The following EYS variants were observed in gnomAD, a reference collection of about 807,000 sequenced individuals.
The protein encoded by EYS is EGF-like photoreceptor maintenance factor.
In EYS, 250 loss-of-function variants were observed where a neutral mutation model predicts 282.1. The ratio of observed to expected loss-of-function variants is 0.89; its 90% CI spans 0.80 to 0.98. EYS has a LOEUF of 0.98. EYS is among the 50% of genes least tolerant of loss of function. The pLI is 0.00. For missense variants in EYS, 4,016 were observed against 3,709.0 expected (o/e 1.08, Z -2.15); for synonymous variants, 1,355 against 1,282.9 (o/e 1.06, Z -1.20).
intron 11 of EYS, chr6:65,329,419 T>G: frequency 1.1e-6 from 1 of 926,216 alleles, no homozygotes; most frequent in Non-Finnish European, 1.3e-6. Flanking sequence ...CCAAGATTAT[T>G]TGGTTTTCTA....
chr6:64,381,516 ATGTGT>A (rs1772747926), intron 29 of EYS, among the ~76,000 whole-genome samples: 1 of 151,926 alleles, frequency 6.6e-6, no homozygotes, highest in South Asian at 2.1e-4. Context: ...ATTCATGTTG[ATGTGT>A]ACAGGTGAGA....
intron 41 of EYS, chr6:63,744,993 A>G (rs1237516581): frequency 6.9e-6 from 3 of 432,784 alleles, no homozygotes; most frequent in African/African-American, 6.2e-5. Context: ...AAATTATTTG[A>G]AAACATCTTT....
intron 30 of EYS, among the ~76,000 whole-genome samples, chr6:64,286,614 T>C (rs1768511170): frequency 6.6e-6 from 1 of 152,152 alleles, no homozygotes; most frequent in Non-Finnish European, 1.5e-5. Flanking sequence ...ATAGGAGTCA[T>C]TTGAATTGGA....
intron 2 of EYS, among the ~76,000 whole-genome samples, chr6:65,632,982 A>G (rs1001676663): frequency 2.0e-5 from 3 of 152,176 alleles, no homozygotes; most frequent in African/African-American, 4.8e-5. Context: ...AAAAGCCTCA[A>G]TGTTACACAG....
chr6:63,889,322 G>A lies in EYS; in HGVS notation c.7056-24964C>T, dbSNP rs546829761. ...AAGAGCAACCCCAAGACACATAATC[G>A]TCAGATTCACCAAGGTAGAAATAAG... On this transcript the variant is annotated intron_variant, in intron 35 of 42. Coordinates refer to ENST00000503581, the MANE Select transcript of EYS (RefSeq NM_001142800.2). Among the ~76,000 whole-genome samples the A allele has an allele frequency of 2.2e-3, 342 of 152,168 alleles. 1 individual carries two copies. The highest frequency in any genetic ancestry group is 7.6e-3 in the African/African-American group (315 of 41,520).
intron 18 of EYS, among the ~76,000 whole-genome samples, chr6:64,892,145 A>G (rs1288549451): frequency 6.6e-6 from 1 of 151,918 alleles, no homozygotes; most frequent in Non-Finnish European, 1.5e-5. Flanking sequence ...GGAAAAATAC[A>G]AGATAATCAC....
At chr6:63,795,914 G>A (rs1770634173) in intron 37 of EYS, among the ~76,000 whole-genome samples, 1 of 151,998 alleles carries the variant, frequency 6.6e-6, no homozygotes. Context: ...GTGCCTTATG[G>A]TAATCATTAT....
At chr6:65,608,173 C>A (rs1765867746) in intron 2 of EYS, among the ~76,000 whole-genome samples, 1 of 151,926 alleles carries the variant, frequency 6.6e-6, no homozygotes. Context: ...AATGGGATAG[C>A]CTCCTACACA....
In EYS at chr6:65,057,775, T is replaced by A. The variant is rs759511671; in HGVS notation, c.2024-48A>T. On this transcript the variant is annotated intron_variant, in intron 12 of 42. Coordinates refer to ENST00000503581, the MANE Select transcript of EYS (RefSeq NM_001142800.2). Reference sequence around the variant, plus strand: ...ATGTTAAGTGTTAACAAGACAGGCATGTATCAAGTCGTAATTCTTAAATTT... The same window carrying A: ...ATGTTAAGTGTTAACAAGACAGGCAAGTATCAAGTCGTAATTCTTAAATTT... 224 of 1,247,562 alleles carry A rather than the reference T, an allele frequency of 1.8e-4. 1 individual carries two copies. The highest frequency in any genetic ancestry group is 3.2e-5 in the Non-Finnish European group (28 of 871,018). The allele number at this position is 1,247,562 out of a possible 1,614,324, so 77.3% of individuals were successfully genotyped here.
At chr6:64,054,544 A>C (rs756391550) in intron 33 of EYS, among the ~76,000 whole-genome samples, 1 of 152,102 alleles carries the variant, frequency 6.6e-6, no homozygotes, top group Non-Finnish European at 1.5e-5. Flanking sequence ...TAAAATGATA[A>C]ATGATGGAGA....
At chr6:65,273,343 G>C (rs936550171) in intron 12 of EYS, among the ~76,000 whole-genome samples, 5 of 152,266 alleles carry the variant, frequency 3.3e-5, no homozygotes, top group African/African-American at 1.2e-4. Context: ...CCTTTTACCA[G>C]TGTAACTCTG....
intron 30 of EYS, among the ~76,000 whole-genome samples, chr6:64,237,835 T>A (rs1766664188): frequency 6.6e-6 from 1 of 152,146 alleles, no homozygotes; most frequent in South Asian, 2.1e-4. Context: ...AAAACATATA[T>A]AATTGTCATT....
intron 19 of EYS, among the ~76,000 whole-genome samples, chr6:64,828,822 C>T (rs1291075398): frequency 6.6e-6 from 1 of 151,928 alleles, no homozygotes; most frequent in Non-Finnish European, 1.5e-5. Flanking sequence ...CTGGGCCCTC[C>T]CTGGTGGCCA....
At chr6:65,179,894 G>C (rs1460691158) in intron 12 of EYS, among the ~76,000 whole-genome samples, 1 of 152,046 alleles carries the variant, frequency 6.6e-6, no homozygotes, top group Non-Finnish European at 1.5e-5. Context: ...ATGCAAGGCT[G>C]GTTCAACATA....
intron 26 of EYS, among the ~76,000 whole-genome samples, chr6:64,509,035 C>T (rs1043613433): frequency 6.6e-6 from 1 of 151,936 alleles, no homozygotes; most frequent in Non-Finnish European, 1.5e-5. Flanking sequence ...TTATCTCTAC[C>T]TCCTCTTACT....
intron 2 of EYS, among the ~76,000 whole-genome samples, chr6:65,628,573 C>T (rs1419167238): frequency 6.6e-6 from 1 of 152,124 alleles, no homozygotes; most frequent in Non-Finnish European, 1.5e-5. Flanking sequence ...ACACTCACCG[C>T]GAAGATCTGC....
chr6:64,957,895 C>A (rs1270968843), intron 14 of EYS, among the ~76,000 whole-genome samples: 1 of 151,954 alleles, frequency 6.6e-6, no homozygotes, highest in Non-Finnish European at 1.5e-5. Context: ...ATTTTCAATA[C>A]CTACTTAAAT....
intron 12 of EYS, among the ~76,000 whole-genome samples, chr6:65,242,785 T>C (rs1212215355): frequency 6.6e-6 from 1 of 152,136 alleles, no homozygotes; most frequent in Non-Finnish European, 1.5e-5. Context: ...AAAATTATTG[T>C]CTATATTTTT....
At chr6:65,439,711 CT>C (rs1263477028) in intron 5 of EYS, among the ~76,000 whole-genome samples, 1 of 152,078 alleles carries the variant, frequency 6.6e-6, no homozygotes, top group Non-Finnish European at 1.5e-5. Flanking sequence ...TATCCTGAGA[CT>C]TTGCTGAAGT....
Sources: gnomAD v4.1 joint callset for allele counts (sites outside exome capture counted in the v4.1 genomes callset) on GRCh38, gnomAD v4.1.1 for gene constraint, MANE v1.5 for transcripts, NCBI Gene and HGNC (gene_info 2026-07-23, HGNC 2026-07-21) for gene names.